ABCB5: variants seen among roughly 807,000 people sequenced by gnomAD.
The protein encoded by ABCB5 is ATP binding cassette subfamily B member 5.
Under a neutral mutation model 144.2 loss-of-function variants are expected in ABCB5, and 155 were observed. The ratio of observed to expected loss-of-function variants is 1.08; its 90% CI spans 0.94 to 1.23. ABCB5 has a LOEUF of 1.23. Among genes scored for constraint, ABCB5 ranks in the 50% most tolerant of loss-of-function variants. ABCB5 has a pLI of 0.00. For synonymous variants in ABCB5, 610 were observed against 528.6 expected, an observed-to-expected ratio of 1.15 and a Z score of -2.11; for missense variants, 1,830 against 1,520.8, an observed-to-expected ratio of 1.20 and a Z score of -3.38.
intron 16 of ABCB5, among the ~76,000 whole-genome samples, chr7:20,692,939 C>T (rs1216403384): frequency 1.3e-5 from 2 of 152,010 alleles, no homozygotes; most frequent in Non-Finnish European, 2.9e-5. Context: ...ATTTCAACAC[C>T]CTTCTACTAA....
intron 20 of ABCB5, among the ~76,000 whole-genome samples, chr7:20,717,963 G>A (rs1279473715): frequency 7.6e-5 from 9 of 117,774 alleles, no homozygotes; most frequent in East Asian, 6.0e-4. Flanking sequence ...GTGCAGTGGC[G>A]CAATCTCGGC....
chr7:20,731,918 A>G lies in ABCB5; in HGVS notation c.2867+3463A>G, dbSNP rs184109516. On this transcript the variant is annotated intron_variant, in intron 23 of 27. Coordinates refer to ENST00000404938, the MANE Select transcript of ABCB5 (RefSeq NM_001163941.2). Reference sequence around the variant, plus strand: ...TCCTTGTGTCCACTCTTGCTTCCCTATAATCCATTCTCCACACTGCAGCCA... The same window carrying G: ...TCCTTGTGTCCACTCTTGCTTCCCTGTAATCCATTCTCCACACTGCAGCCA... Among the ~76,000 whole-genome samples, 6 of 152,220 alleles carry G rather than the reference A, an allele frequency of 3.9e-5. No individual in the cohort carries two copies. In the East Asian group the frequency reaches 1.2e-3, roughly 29 times the overall value.
intron 27 of ABCB5, among the ~76,000 whole-genome samples, chr7:20,753,845 A>G (rs552565568): frequency 6.6e-6 from 1 of 152,364 alleles, no homozygotes. Flanking sequence ...CAGTGATGCC[A>G]AACAAACTAA....
chr7:20,693,635 A>G (rs1160159471), intron 16 of ABCB5, among the ~76,000 whole-genome samples: 1 of 152,132 alleles, frequency 6.6e-6, no homozygotes, highest in Non-Finnish European at 1.5e-5. Flanking sequence ...CTAAACACCT[A>G]TACTATCTAA....
intron 19 of ABCB5, among the ~76,000 whole-genome samples, chr7:20,701,867 A>G (rs949701735): frequency 6.6e-6 from 1 of 152,238 alleles, no homozygotes; most frequent in African/African-American, 2.4e-5. Context: ...AATTGGAGAA[A>G]AAGAAGACTA....
rs751355546 is a variant in ABCB5 at position 20,666,723 on chromosome 7, G to A, written c.1707+8047G>A. On this transcript the variant is annotated intron_variant, in intron 14 of 27. Coordinates refer to ENST00000404938, the MANE Select transcript of ABCB5 (RefSeq NM_001163941.2). ...GTGTAATCTGTGAAGTAGGATAGGA[G>A]ATACTAGGAAATTCTTTCAATATTG... 5.7e-6 allele frequency: 9 copies of A among 1,592,266 alleles called. No homozygotes were observed. In the South Asian group the frequency reaches 5.8e-5, roughly 10 times the overall value.
rs752220199 is a variant in ABCB5, at chr7:20,650,141, T to C, written c.1326T>C (p.Asp442=). The change falls in exon 12 of 28, where the codon GAT becomes GAC. Residue 442 remains aspartate (D), a synonymous_variant. Transcript: ENST00000404938. Reference sequence around the variant, plus strand: ...TGCAGAGGTTATATGATCCGGATGATGGCTTTGTAAGTGCAGCTAGCAAAA... The same window carrying C: ...TGCAGAGGTTATATGATCCGGATGACGGCTTTGTAAGTGCAGCTAGCAAAA... ...QLLQRLYDPD[D]GFIMVDENDI... 1.9e-6 allele frequency: 3 copies of C among 1,613,332 alleles called. No individual in the cohort carries two copies. The highest frequency in any genetic ancestry group is 2.7e-5 in the African/African-American group (2 of 74,894).
chr7:20,643,469 A>G lies in ABCB5; in HGVS notation c.515A>G (p.Asp172Gly). The change falls in exon 7 of 28, where the codon GAC becomes GGC. Residue 172 changes from aspartate to glycine, a missense_variant. Physicochemically the swap from Asp to Gly is moderately conservative, Grantham distance 94. Transcript: ENST00000404938. Reference sequence around the variant, plus strand: ...TTATTTGCTTGTTTCAGTGACATTGACAAAATCAGTGATGGTATTGGAGAT... The same window carrying G: ...TTATTTGCTTGTTTCAGTGACATTGGCAAAATCAGTGATGGTATTGGAGAT... Reference protein sequence around the residue: ...ELNTRMTDDIDKISDGIGDKI... With the variant: ...ELNTRMTDDIGKISDGIGDKI... 6.2e-7 allele frequency: 1 copy of G among 1,614,028 alleles called. No individual in the cohort carries two copies. The highest frequency in any genetic ancestry group is 8.5e-7 in the Non-Finnish European group (1 of 1,179,874).
intron 23 of ABCB5, among the ~76,000 whole-genome samples, chr7:20,737,805 G>A (rs947187665): frequency 1.3e-5 from 2 of 151,986 alleles, no homozygotes; most frequent in Non-Finnish European, 2.9e-5. Flanking sequence ...CATTTCTGAT[G>A]TTTATAGCTG....
intron 20 of ABCB5, among the ~76,000 whole-genome samples, chr7:20,721,541 C>T (rs1298127412): frequency 2.0e-5 from 3 of 152,098 alleles, no homozygotes; most frequent in African/African-American, 4.8e-5. Context: ...TGTGTCTTCC[C>T]TTCTGCCCTA....
intron 14 of ABCB5, among the ~76,000 whole-genome samples, chr7:20,671,529 A>T (rs1785459534): frequency 2.0e-5 from 3 of 152,170 alleles, no homozygotes; most frequent in African/African-American, 7.2e-5. Flanking sequence ...ACTAGAGATT[A>T]GTTTGTATTT....
chr7:20,652,116 C>T (rs1784614703), intron 13 of ABCB5, among the ~76,000 whole-genome samples: 2 of 152,134 alleles, frequency 1.3e-5, no homozygotes, highest in African/African-American at 4.8e-5. Context: ...AATCATCAGA[C>T]CAAGCTGAGA....
chr7:20,666,195 C>G (rs562907586), intron 14 of ABCB5, among the ~76,000 whole-genome samples: 1 of 150,440 alleles, frequency 6.6e-6, no homozygotes, highest in Non-Finnish European at 1.5e-5. Flanking sequence ...AAAAAGTTGA[C>G]GATAACAGCA....
At chr7:20,625,368 A>T (rs1004970727) in intron 2 of ABCB5, among the ~76,000 whole-genome samples, 1 of 151,942 alleles carries the variant, frequency 6.6e-6, no homozygotes, top group Non-Finnish European at 1.5e-5. Context: ...TTAATGTTTC[A>T]GAATTTTGCG....
intron 7 of ABCB5, among the ~76,000 whole-genome samples, chr7:20,645,384 G>A (rs1408419115): frequency 6.6e-6 from 1 of 152,118 alleles, no homozygotes; most frequent in South Asian, 2.1e-4. Context: ...TATTTTTTAG[G>A]TGGATAGACT....
chr7:20,632,459 C>G (rs1011302511), intron 5 of ABCB5, among the ~76,000 whole-genome samples: 4 of 152,080 alleles, frequency 2.6e-5, no homozygotes, highest in Admixed American at 6.6e-5. Flanking sequence ...TCTTATGAGC[C>G]TCATTGAAAA....
rs778391877 is a variant in ABCB5, at chr7:20,739,137, C to G, written c.3022C>G (p.Pro1008Ala). Residue 1008 changes from proline to alanine, a missense_variant and splice_region_variant, in exon 24 of 28, where the codon CCA (proline) becomes GCA (alanine). Transcript: ENST00000404938. ...CAGCCGCAGTCAAGAAGGGAAAAAG[C>G]CAGTAAGCACAACTGTGATCTTAAA... ...IDSRSQEGKKPDTCEGNLEFR... is the reference protein window; with the variant it reads ...IDSRSQEGKKADTCEGNLEFR... 6 of 1,595,266 alleles carry G rather than the reference C, an allele frequency of 3.8e-6. No individual in the cohort carries two copies. Among genetic ancestry groups the G allele is most frequent in the Non-Finnish European group, 5.1e-6 (6 of 1,170,048 alleles).
intron 20 of ABCB5, among the ~76,000 whole-genome samples, chr7:20,711,776 T>TTCTCTCTCTCTTTCTTTCTCTCTCTCTC (rs537885442): frequency 4.7e-5 from 2 of 42,190 alleles, no homozygotes; most frequent in East Asian, 7.3e-4. Flanking sequence ...CTTTCCTTCT[T>TTCTCTCTCTCTTTCTTTCTCTCTCTCTC]TCTCTTTCTT....
chr7:20,629,940 C>T (rs1437639842), intron 4 of ABCB5, among the ~76,000 whole-genome samples: 1 of 152,112 alleles, frequency 6.6e-6, no homozygotes, highest in East Asian at 1.9e-4. Flanking sequence ...CAACTAGAGA[C>T]AGATACCCTG....
Sources: gnomAD v4.1 joint callset for allele counts (sites outside exome capture counted in the v4.1 genomes callset) on GRCh38, gnomAD v4.1.1 for gene constraint, MANE v1.5 for transcripts, NCBI Gene and HGNC (gene_info 2026-07-23, HGNC 2026-07-21) for gene names.